Variants in TMCC1 observed in about 807,000 individuals in gnomAD.
The protein encoded by TMCC1 is transmembrane and coiled-coil domain family 1.
Under a neutral mutation model 52.4 loss-of-function variants are expected in TMCC1, and 15 were observed. The ratio of observed to expected loss-of-function variants is 0.29; its 90% CI spans 0.19 to 0.44. The LOEUF (loss-of-function observed/expected upper bound fraction) is 0.44, where lower values mean the gene tolerates loss of function less well. Among genes scored for constraint, TMCC1 ranks in the 20% least tolerant of loss-of-function variants. The pLI, the probability that TMCC1 is intolerant of heterozygous loss-of-function variation, is 1.00. For missense variants in TMCC1, 503 were observed against 806.0 expected (o/e 0.62, Z 4.55); for synonymous variants, 279 against 301.9 (o/e 0.92, Z 0.79).
chr3:129,827,672 G>A (rs2058715386), intron 4 of TMCC1, 131 bp downstream of exon 4: 27 of 1,087,914 alleles, frequency 2.5e-5, no homozygotes, highest in Non-Finnish European at 3.1e-5. Context: ...CATTTGAAAA[G>A]GGGAAAAATT....
chr3:129,675,009 T>G (rs2088284532), intron 4 of TMCC1, among the ~76,000 whole-genome samples: 1 of 152,166 alleles, frequency 6.6e-6, no homozygotes, highest in African/African-American at 2.4e-5. Context: ...AGCTATTTTT[T>G]TTGCATTTTT....
chr3:129,785,933 CT>C (rs11391336), intron 4 of TMCC1, among the ~76,000 whole-genome samples: 32 of 127,580 alleles, frequency 2.5e-4, no homozygotes, highest in Admixed American at 5.1e-4. Context: ...CCCTCACCCC[CT>C]TTTTTTTTTT....
intron 4 of TMCC1, among the ~76,000 whole-genome samples, chr3:129,797,143 G>C (rs1428938663): frequency 6.6e-6 from 1 of 152,034 alleles, no homozygotes; most frequent in Non-Finnish European, 1.5e-5. Context: ...GGCTAACACG[G>C]TGTAAACCCC....
chr3:129,723,360 CTTTT>C (rs62761061), intron 4 of TMCC1, among the ~76,000 whole-genome samples: 2 of 105,610 alleles, frequency 1.9e-5, no homozygotes, highest in Admixed American at 1.0e-4. Flanking sequence ...AAATCTTTTT[CTTTT>C]TTTTTTTTTT....
intron 4 of TMCC1, among the ~76,000 whole-genome samples, chr3:129,818,095 C>A (rs1292030972): frequency 2.6e-5 from 4 of 152,022 alleles, no homozygotes; most frequent in Non-Finnish European, 1.5e-5. Flanking sequence ...CAGTCGTGAG[C>A]CACCGTGCCA....
At chr3:129,675,078 G>T (rs1487696969) in intron 4 of TMCC1, among the ~76,000 whole-genome samples, 2 of 152,148 alleles carry the variant, frequency 1.3e-5, no homozygotes, top group Non-Finnish European at 1.5e-5. Context: ...GACCCCCAGT[G>T]ATCTGCCCGC....
intron 4 of TMCC1, among the ~76,000 whole-genome samples, chr3:129,695,416 G>A (rs371983572): frequency 1.1e-4 from 16 of 152,184 alleles, no homozygotes; most frequent in East Asian, 3.9e-4. Flanking sequence ...AAGACATACC[G>A]AAGACTGGGT....
chr3:129,892,465 C>G (rs2062013139), intron 1 of TMCC1: 1 of 152,098 alleles, frequency 6.6e-6, no homozygotes. Flanking sequence ...ATGTATCTAC[C>G]TCCTGGAACA....
intron 4 of TMCC1, among the ~76,000 whole-genome samples, chr3:129,754,622 C>T (rs2052826323): frequency 6.6e-6 from 1 of 152,170 alleles, no homozygotes; most frequent in Non-Finnish European, 1.5e-5. Context: ...AAAAGATAGT[C>T]TTTTAAGCAA....
At chr3:129,659,348 G>A (rs2086874646) in intron 5 of TMCC1, among the ~76,000 whole-genome samples, 1 of 151,812 alleles carries the variant, frequency 6.6e-6, no homozygotes, top group Non-Finnish European at 1.5e-5. Context: ...TCCTGCCTCA[G>A]CTTCCCAAAG....
intron 4 of TMCC1, among the ~76,000 whole-genome samples, chr3:129,684,850 T>TTATGGA (rs2089287940): frequency 6.6e-6 from 1 of 152,180 alleles, no homozygotes; most frequent in Non-Finnish European, 1.5e-5. Context: ...TGCTATGAGA[T>TTATGGA]TATGGATACA....
At chr3:129,796,253 C>G (rs565213604) in intron 4 of TMCC1, among the ~76,000 whole-genome samples, 1 of 152,318 alleles carries the variant, frequency 6.6e-6, no homozygotes, top group South Asian at 2.1e-4. Flanking sequence ...CTAGGAGCAA[C>G]AGGCTATACC....
chr3:129,848,208 T>C (rs993864298), intron 2 of TMCC1: 1 of 152,234 alleles, frequency 6.6e-6, no homozygotes, highest in African/African-American at 2.4e-5. Flanking sequence ...TTCATGCTTT[T>C]TGTGTCTTAA....
chr3:129,722,144 G>A (rs1418679556), intron 4 of TMCC1, among the ~76,000 whole-genome samples: 1 of 152,102 alleles, frequency 6.6e-6, no homozygotes, highest in Non-Finnish European at 1.5e-5. Flanking sequence ...CCCCTGGGCC[G>A]CAGACCAGTA....
intron 4 of TMCC1, among the ~76,000 whole-genome samples, chr3:129,812,336 CAAA>C (rs11387876): frequency 1.1e-4 from 6 of 56,016 alleles, no homozygotes; most frequent in African/African-American, 3.3e-4. Context: ...GACTCTGTCT[CAAA>C]AAAAAAAAAA....
intron 2 of TMCC1, among the ~76,000 whole-genome samples, chr3:129,839,440 A>T (rs928358853): frequency 6.6e-5 from 10 of 150,604 alleles, no homozygotes; most frequent in African/African-American, 1.2e-4. Context: ...AAATGGAATT[A>T]AAAAAAAAAT....
chr3:129,812,212 C>T (rs549642484), intron 4 of TMCC1, among the ~76,000 whole-genome samples: 71 of 151,476 alleles, frequency 4.7e-4, no homozygotes, highest in Non-Finnish European at 8.7e-4. Flanking sequence ...TGTGGTGGCA[C>T]GCACCTGTAA....
At chr3:129,831,466 G>C (rs1452353643) in intron 3 of TMCC1, among the ~76,000 whole-genome samples, 1 of 152,084 alleles carries the variant, frequency 6.6e-6, no homozygotes, top group African/African-American at 2.4e-5. Context: ...AACCTAAATT[G>C]AGCTTTAAAC....
At chr3:129,672,284 T>C (rs9837546) in intron 4 of TMCC1, among the ~76,000 whole-genome samples, 95,978 of 151,954 alleles carry the variant, frequency 0.63, 35,561 homozygotes, top group Non-Finnish European at 0.83. Flanking sequence ...TTTGAATAGG[T>C]CCCAAAGAAG....
Sources: gnomAD v4.1 joint callset for allele counts (sites outside exome capture counted in the v4.1 genomes callset) on GRCh38, gnomAD v4.1.1 for gene constraint, MANE v1.5 for transcripts, NCBI Gene and HGNC (gene_info 2026-07-23, HGNC 2026-07-21) for gene names.